TNIK: variants seen among roughly 807,000 people sequenced by gnomAD.
TNIK encodes TRAF2 and NCK interacting kinase.
In TNIK, 49 loss-of-function variants were observed where a neutral mutation model predicts 191.3. That is an observed-to-expected ratio of 0.26 (90% CI 0.20 to 0.32). The LOEUF is 0.32. Among genes scored for constraint, TNIK ranks in the 10% least tolerant of loss-of-function variants. The probability of loss-of-function intolerance (pLI) is 1.00; values close to 1 mark genes in which losing one functional copy is unlikely to be tolerated. For synonymous variants in TNIK, 594 were observed against 600.9 expected, an observed-to-expected ratio of 0.99 and a Z score of 0.17; for missense variants, 1,155 against 1,702.3, an observed-to-expected ratio of 0.68 and a Z score of 5.66.
At chr3:171,091,981 G>C (rs1380150933) in intron 23 of TNIK, among the ~76,000 whole-genome samples, 4 of 145,942 alleles carry the variant, frequency 2.7e-5, no homozygotes, top group African/African-American at 1.0e-4. Context: ...ACAGAGTCTC[G>C]TTCTGTCGCC....
At chr3:171,412,332 A>T (rs2108606790) in intron 1 of TNIK, among the ~76,000 whole-genome samples, 1 of 152,312 alleles carries the variant, frequency 6.6e-6, no homozygotes, top group East Asian at 1.9e-4. Flanking sequence ...CCCAGGGAAA[A>T]AATAGATAGC....
chr3:171,196,921 AT>A (rs112224735), intron 4 of TNIK, among the ~76,000 whole-genome samples: 1 of 151,666 alleles, frequency 6.6e-6, no homozygotes, highest in South Asian at 2.1e-4. Context: ...CGCCCGGCTA[AT>A]TTTTTTGTAT....
At chr3:171,089,254 G>A (rs1018842216) in intron 23 of TNIK, among the ~76,000 whole-genome samples, 4 of 152,160 alleles carry the variant, frequency 2.6e-5, no homozygotes, top group African/African-American at 7.2e-5. Flanking sequence ...CATCAGTAGC[G>A]TGTATTAGTG....
chr3:171,419,870 C>G (rs1462004059), intron 1 of TNIK, among the ~76,000 whole-genome samples: 5 of 152,328 alleles, frequency 3.3e-5, no homozygotes, highest in Middle Eastern at 6.8e-3. Context: ...AATTTGACCA[C>G]AAGTTTTTAG....
At chr3:171,150,065 TA>T (rs35586364) in intron 12 of TNIK, among the ~76,000 whole-genome samples, 7 of 152,062 alleles carry the variant, frequency 4.6e-5, no homozygotes, top group Admixed American at 4.6e-4. Context: ...GCTGCACTGG[TA>T]AAAAACCCAC....
intron 18 of TNIK, among the ~76,000 whole-genome samples, chr3:171,111,593 A>G (rs549795248): frequency 6.6e-6 from 1 of 152,300 alleles, no homozygotes; most frequent in Non-Finnish European, 1.5e-5. Context: ...AGTACGGAAA[A>G]CAGTATGAAG....
chr3:171,407,158 C>T (rs1301097583), intron 1 of TNIK, among the ~76,000 whole-genome samples: 2 of 151,960 alleles, frequency 1.3e-5, no homozygotes, highest in Non-Finnish European at 1.5e-5. Context: ...AAGGAAAAGT[C>T]GAAGGAGCTG....
chr3:171,379,932 C>T (rs1167086289), intron 1 of TNIK, among the ~76,000 whole-genome samples: 1 of 152,034 alleles, frequency 6.6e-6, no homozygotes, highest in African/African-American at 2.4e-5. Context: ...TCGCTTGAAC[C>T]AGGGAGGTGG....
intron 2 of TNIK, among the ~76,000 whole-genome samples, chr3:171,347,372 C>G (rs1217383217): frequency 6.7e-6 from 1 of 148,556 alleles, no homozygotes; most frequent in Non-Finnish European, 1.5e-5. Flanking sequence ...AGAGCTGGCC[C>G]TCAGCTGAGA....
intron 10 of TNIK, among the ~76,000 whole-genome samples, chr3:171,161,563 T>A (rs1733989885): frequency 6.6e-6 from 1 of 152,216 alleles, no homozygotes; most frequent in African/African-American, 2.4e-5. Context: ...TGCCTAGTGT[T>A]CACATGAGAA....
intron 32 of TNIK, among the ~76,000 whole-genome samples, chr3:171,064,847 G>A (rs972525926): frequency 3.9e-5 from 6 of 152,158 alleles, no homozygotes; most frequent in African/African-American, 1.4e-4. Flanking sequence ...CATTTCTACA[G>A]CTTCTTCAGA....
chr3:171,234,473 C>T (rs1283874921), intron 2 of TNIK, among the ~76,000 whole-genome samples: 2 of 152,188 alleles, frequency 1.3e-5, no homozygotes, highest in Non-Finnish European at 2.9e-5. Context: ...TACTCTCCAT[C>T]TCAACACCAC....
chr3:171,275,594 T>C (rs4894700), intron 2 of TNIK, among the ~76,000 whole-genome samples: 60,174 of 152,040 alleles, frequency 0.4, 13,270 homozygotes, highest in African/African-American at 0.6. Flanking sequence ...TTTCAGAATT[T>C]GAAGTTATCA....
intron 3 of TNIK, 97 bp downstream of exon 3, chr3:171,228,068 A>G: frequency 7.3e-7 from 1 of 1,375,984 alleles, no homozygotes; most frequent in South Asian, 1.2e-5. Context: ...CAACTTAACA[A>G]TATTTTCTAC....
At chr3:171,446,829 C>T (rs1577969962) in intron 1 of TNIK, among the ~76,000 whole-genome samples, 1 of 152,286 alleles carries the variant, frequency 6.6e-6, no homozygotes, top group Non-Finnish European at 1.5e-5. Context: ...AAACTGAAAC[C>T]TTTGAGCCTG....
chr3:171,307,371 T>C (rs372289458), intron 2 of TNIK, among the ~76,000 whole-genome samples: 10 of 152,250 alleles, frequency 6.6e-5, no homozygotes, highest in African/African-American at 2.4e-4. Flanking sequence ...TATTTCCATG[T>C]TTAGAAACTG....
At chr3:171,074,924 TTA>T (rs1412376535) in intron 28 of TNIK, among the ~76,000 whole-genome samples, 89 of 152,314 alleles carry the variant, frequency 5.8e-4, no homozygotes, top group African/African-American at 2.0e-3. Flanking sequence ...TGCTCCCTGG[TTA>T]AATTTTACTT....
intron 29 of TNIK, among the ~76,000 whole-genome samples, chr3:171,069,768 A>G (rs558343074): frequency 4.9e-4 from 75 of 152,138 alleles, no homozygotes; most frequent in Non-Finnish European, 8.8e-4. Flanking sequence ...GGGCCTTGAG[A>G]TCTGGGAGAG....
chr3:171,407,561 C>G (rs1000604526), intron 1 of TNIK, among the ~76,000 whole-genome samples: 1 of 152,160 alleles, frequency 6.6e-6, no homozygotes, highest in African/African-American at 2.4e-5. Flanking sequence ...AGTTGGCAGA[C>G]AGACAGGAGG....
Sources: gnomAD v4.1 joint callset for allele counts (sites outside exome capture counted in the v4.1 genomes callset) on GRCh38, gnomAD v4.1.1 for gene constraint, MANE v1.5 for transcripts, NCBI Gene and HGNC (gene_info 2026-07-23, HGNC 2026-07-21) for gene names.